The following ACTN4 variants were observed in gnomAD, a reference collection of about 807,000 sequenced individuals.
ACTN4 encodes alpha-actinin-4.
A neutral mutation model predicts 114.2 loss-of-function variants in ACTN4; 18 were observed. That is an observed-to-expected ratio of 0.16 (90% CI 0.11 to 0.23). The LOEUF (loss-of-function observed/expected upper bound fraction) is 0.23. ACTN4 is among the 10% of genes least tolerant of loss of function. The pLI is 1.00. For missense variants in ACTN4, 722 were observed against 1,262.9 expected (o/e 0.57, Z 6.49); for synonymous variants, 515 against 506.3 (o/e 1.02, Z -0.23).
At chr19:38,667,307 C>T (rs957684983) in intron 1 of ACTN4, among the ~76,000 whole-genome samples, 1 of 151,616 alleles carries the variant, frequency 6.6e-6, no homozygotes, top group African/African-American at 2.4e-5. Context: ...GGCCTTGGGG[C>T]GAGGAGAGTT....
chr19:38,694,725 C>T (rs1968035792), intron 1 of ACTN4, among the ~76,000 whole-genome samples: 1 of 26,664 alleles, frequency 3.8e-5, no homozygotes, highest in Non-Finnish European at 6.6e-5. Flanking sequence ...CCTCAGTTTC[C>T]TCATCAAATG....
chr19:38,693,840 C>A (rs891880108), intron 1 of ACTN4, among the ~76,000 whole-genome samples: 1 of 152,214 alleles, frequency 6.6e-6, no homozygotes, highest in Non-Finnish European at 1.5e-5. Context: ...CCCTGAAGCC[C>A]GCCTTAGCTG....
chr19:38,661,677 G>A (rs992420112), intron 1 of ACTN4, among the ~76,000 whole-genome samples: 3 of 152,034 alleles, frequency 2.0e-5, no homozygotes, highest in Admixed American at 2.0e-4. Context: ...TTTTGAGACG[G>A]AGTCTCACTC....
At chr19:38,667,018 T>A (rs187236984) in intron 1 of ACTN4, among the ~76,000 whole-genome samples, 138 of 152,280 alleles carry the variant, frequency 9.1e-4, no homozygotes, top group Non-Finnish European at 1.7e-3. Context: ...CATGAGGTCA[T>A]CCGTAAATAT....
intron 1 of ACTN4, among the ~76,000 whole-genome samples, chr19:38,666,186 G>A (rs1309678882): frequency 6.6e-6 from 1 of 151,380 alleles, no homozygotes; most frequent in Non-Finnish European, 1.5e-5. Flanking sequence ...CCTTTCCTGG[G>A]GTCACTTCCT....
intron 1 of ACTN4, among the ~76,000 whole-genome samples, chr19:38,688,528 G>A (rs1237787817): frequency 2.0e-5 from 3 of 151,342 alleles, no homozygotes; most frequent in Non-Finnish European, 2.9e-5. Context: ...CCGAGATCAC[G>A]CCATTGCACT....
rs1967224811 is a variant in ACTN4 at position 38,673,537 on chromosome 19, T to TCATATA, written c.162+25630_162+25631insCATATA. Among the ~76,000 whole-genome samples, 31 of 32,332 alleles carry TCATATA rather than the reference T, an allele frequency of 9.6e-4. 1 individual carries two copies. The highest frequency in any genetic ancestry group is 2.3e-3 in the Non-Finnish European group (26 of 11,262). The allele number at this position is 32,332 out of a possible 152,430, so 21.2% of individuals were successfully genotyped here. A position where few individuals can be genotyped will look rare whatever the true frequency, so the allele number is the denominator to read the frequency against. On this transcript the variant is annotated intron_variant, in intron 1 of 20. Transcript: ENST00000252699. ...TATATTTATATATATTCATATATACTTATATATATTTATATATACTTATAT... is the reference window on the plus strand; with the variant it reads ...TATATTTATATATATTCATATATACTCATATATATATATATTTATATATACTTATAT...
At chr19:38,688,196 C>T (rs1174903881) in intron 1 of ACTN4, among the ~76,000 whole-genome samples, 1 of 151,974 alleles carries the variant, frequency 6.6e-6, no homozygotes, top group Non-Finnish European at 1.5e-5. Context: ...TGGCTTGGGG[C>T]CACGAATTGG....
intron 1 of ACTN4, among the ~76,000 whole-genome samples, chr19:38,653,464 G>A (rs879501957): frequency 9.3e-5 from 14 of 150,480 alleles, no homozygotes; most frequent in Non-Finnish European, 1.5e-4. Flanking sequence ...TTTTTGAAGG[G>A]CAGAAGGGAA....
chr19:38,714,151 C>T (rs904488119), intron 8 of ACTN4, among the ~76,000 whole-genome samples: 79 of 152,308 alleles, frequency 5.2e-4, no homozygotes, highest in African/African-American at 1.6e-3. Context: ...TTAGGTCCAA[C>T]GCAGCCGACC....
chr19:38,710,482 C>A (rs1568729916), intron 8 of ACTN4, 140 bp downstream of exon 8: 1 of 882,448 alleles, frequency 1.1e-6, no homozygotes, highest in Non-Finnish European at 1.9e-6. Context: ...AGCTCCCTGG[C>A]GTTGCTGCCC....
intron 16 of ACTN4, among the ~76,000 whole-genome samples, chr19:38,725,233 TGA>T (rs1384438372): frequency 1.3e-5 from 2 of 152,052 alleles, no homozygotes; most frequent in African/African-American, 4.8e-5. Context: ...CCAGCAAGCC[TGA>T]GAGGGGGTCC....
intron 1 of ACTN4, among the ~76,000 whole-genome samples, chr19:38,695,589 T>C (rs3786841): frequency 0.68 from 103,637 of 151,978 alleles, 36,192 homozygotes; most frequent in South Asian, 0.84. Flanking sequence ...GCTCTTTCCC[T>C]GCATGGCAGG....
intron 19 of ACTN4, chr19:38,728,439 T>TCCTCCTCCTCCCCCC (rs2145112021): frequency 1.1e-6 from 1 of 921,938 alleles, no homozygotes; most frequent in African/African-American, 3.2e-5. Context: ...CTCCTCCTCC[T>TCCTCCTCCTCCCCCC]CCTCCTCCTC....
chr19:38,724,650 G>A lies in ACTN4; in HGVS notation c.2010+85G>A. ...GGGGTCCCCGGCCAGCCCAGGGCCTGCAGACTGAGGCGCCTGGCAGAGCAG... is the reference window on the plus strand; with the variant it reads ...GGGGTCCCCGGCCAGCCCAGGGCCTACAGACTGAGGCGCCTGGCAGAGCAG... On this transcript the variant is annotated intron_variant, in intron 16 of 20. Coordinates refer to ENST00000252699, the MANE Select transcript of ACTN4 (RefSeq NM_004924.6). The surrounding 1 kb of genome is among the most constrained non-coding windows in gnomAD (Gnocchi z 7.0). 6 of 1,595,960 alleles carry A rather than the reference G, an allele frequency of 3.8e-6. No individual in the cohort carries two copies. The highest frequency in any genetic ancestry group is 5.1e-6 in the Non-Finnish European group (6 of 1,173,082).
In ACTN4 at chr19:38,727,941, G is replaced by A. The variant is rs749000397; in HGVS notation, c.2338-5G>A. On this transcript the variant is annotated splice_polypyrimidine_tract_variant and splice_region_variant and intron_variant, in intron 18 of 20. Transcript: ENST00000252699. The surrounding 1 kb of genome is among the most constrained non-coding windows in gnomAD (Gnocchi z 5.4). The stretch of plus-strand genomic sequence containing the variant: ...CGCACACCTGCCTTCGGATGGCCCC[G>A]GCAGGATCATGGCGGGGCGCTGGGG... 2.3e-5 allele frequency: 37 copies of A among 1,612,372 alleles called. No homozygotes were observed. Among genetic ancestry groups the A allele is most frequent in the African/African-American group, 5.3e-5 (4 of 74,858 alleles).
Position 38,647,874 on chromosome 19 carries a change from G to A in ACTN4, c.129G>A (p.Leu43=). 2 of 1,529,106 alleles carry A rather than the reference G, an allele frequency of 1.3e-6. No individual in the cohort carries two copies. Among genetic ancestry groups the A allele is most frequent in the East Asian group, 2.6e-5 (1 of 37,964 alleles). The allele number at this position is 1,529,106 out of a possible 1,614,324, so 94.7% of individuals were successfully genotyped here. ...AGGACGACTGGGACCGGGACCTGCTGCTGGACCCGGCCTGGGAGAAGCAGC... is the reference window on the plus strand; with the variant it reads ...AGGACGACTGGGACCGGGACCTGCTACTGGACCCGGCCTGGGAGAAGCAGC... ...AQEDDWDRDL[L]LDPAWEKQQR... Residue 43 remains leucine (L), a synonymous_variant, in exon 1 of 21, where the codon CTG becomes CTA. Transcript: ENST00000252699.
intron 17 of ACTN4, 79 bp downstream of exon 17, chr19:38,725,982 A>C (rs1234791042): frequency 6.4e-7 from 1 of 1,553,170 alleles, no homozygotes; most frequent in Admixed American, 1.7e-5. Context: ...GCCAGTGAGA[A>C]GATAGCTGTC....
intron 1 of ACTN4, among the ~76,000 whole-genome samples, chr19:38,651,250 G>T (rs1976553555): frequency 6.6e-6 from 1 of 152,214 alleles, no homozygotes; most frequent in African/African-American, 2.4e-5. Context: ...GCCCAAATCA[G>T]AGGGGACGTG....
Sources: gnomAD v4.1 joint callset for allele counts (sites outside exome capture counted in the v4.1 genomes callset) on GRCh38, gnomAD v4.1.1 for gene constraint, Gnocchi (gnomAD v3.1) non-coding constraint, MANE v1.5 for transcripts, NCBI Gene and HGNC (gene_info 2026-07-23, HGNC 2026-07-21) for gene names.